The following PELI2 variants were observed in gnomAD, a reference collection of about 807,000 sequenced individuals.
The protein encoded by PELI2 is pellino E3 ubiquitin protein ligase family member 2, also known as E3 ubiquitin-protein ligase pellino homolog 2.
Under a neutral mutation model 42.3 loss-of-function variants are expected in PELI2, and 23 were observed. That is an observed-to-expected ratio of 0.54 (90% CI 0.39 to 0.77). PELI2 has a LOEUF of 0.77. PELI2 is among the 30% of genes least tolerant of loss of function. The probability of loss-of-function intolerance (pLI) is 0.00; values close to 1 mark genes in which losing one functional copy is unlikely to be tolerated. For synonymous variants in PELI2, 245 were observed against 212.2 expected, an observed-to-expected ratio of 1.15 and a Z score of -1.34; for missense variants, 463 against 553.2, an observed-to-expected ratio of 0.84 and a Z score of 1.64.
intron 2 of PELI2, among the ~76,000 whole-genome samples, chr14:56,190,913 C>G (rs760913077): frequency 3.9e-5 from 6 of 152,160 alleles, no homozygotes; most frequent in Non-Finnish European, 7.4e-5. Flanking sequence ...TTATTTGTTG[C>G]ATAAGTAAAA....
intron 2 of PELI2, among the ~76,000 whole-genome samples, chr14:56,272,666 A>C (rs2139858713): frequency 6.6e-6 from 1 of 152,218 alleles, no homozygotes; most frequent in East Asian, 1.9e-4. Flanking sequence ...TGTAGTCTAT[A>C]ATCATTTTAA....
intron 5 of PELI2, 41 bp from the exon 6 acceptor site, chr14:56,296,559 G>T (rs1325297045): frequency 1.5e-6 from 2 of 1,338,406 alleles, no homozygotes. Context: ...TGATTTGCTT[G>T]ATTTTGCTTT....
At chr14:56,141,073 A>C (rs556181812) in intron 1 of PELI2, among the ~76,000 whole-genome samples, 1 of 152,216 alleles carries the variant, frequency 6.6e-6, no homozygotes. Flanking sequence ...CCCAAAGGCT[A>C]TGGCAAGGCT....
intron 2 of PELI2, among the ~76,000 whole-genome samples, chr14:56,234,784 G>A (rs1887728009): frequency 6.6e-6 from 1 of 152,034 alleles, no homozygotes; most frequent in Admixed American, 6.6e-5. Context: ...GCCTGGTGAG[G>A]CCTGTGAGTG....
At position 56,273,981 on chromosome 14, in the gene PELI2, CT is replaced by C. The variant is rs1889197502; in HGVS notation, c.208-5694del. The stretch of plus-strand genomic sequence containing the variant: ...CCTTCCTCTCACGTTGCAAGGTGGT[CT>C]ACTTCAGCTCCAAACATCATGTCAT... On this transcript the variant is annotated intron_variant, in intron 2 of 5. Coordinates refer to ENST00000267460, the MANE Select transcript of PELI2 (RefSeq NM_021255.3). This position sits in a 1 kb window ranked among gnomAD's most constrained non-coding sequence, Gnocchi z 4.3. Among the ~76,000 whole-genome samples, 1 of 152,194 alleles carries C rather than the reference CT, an allele frequency of 6.6e-6. No homozygotes were observed. Among genetic ancestry groups the C allele is most frequent in the African/African-American group, 2.4e-5 (1 of 41,446 alleles).
chr14:56,129,324 C>T (rs1457055720), intron 1 of PELI2, among the ~76,000 whole-genome samples: 1 of 152,232 alleles, frequency 6.6e-6, no homozygotes, highest in African/African-American at 2.4e-5. Flanking sequence ...AGAACAGTTG[C>T]TCACAATGGG....
At chr14:56,241,223 C>A (rs1435217043) in intron 2 of PELI2, among the ~76,000 whole-genome samples, 1 of 151,910 alleles carries the variant, frequency 6.6e-6, no homozygotes. Context: ...GTTAGGCCTG[C>A]AAGAAAGAAC....
At chr14:56,235,864 T>C (rs1406561478) in intron 2 of PELI2, among the ~76,000 whole-genome samples, 1 of 152,196 alleles carries the variant, frequency 6.6e-6, no homozygotes, top group Non-Finnish European at 1.5e-5. Flanking sequence ...TGCGTACATT[T>C]AGGTACAAAG....
rs991526202 is a variant in PELI2 at position 56,118,569 on chromosome 14, C to T, written c.-92C>T. The T allele has an allele frequency of 3.2e-5, 26 of 806,046 alleles. No individual in the cohort carries two copies. The African/African-American group carries it at 4.2e-4, about 13-fold the overall frequency. 49.9% of individuals were successfully genotyped at this position (806,046 alleles called of 1,614,324 possible). Reference sequence around the variant, plus strand: ...TTCCCCGGCGCGCTCACCCCGTTCTCGGGATGGGATTGTAGCGGCGGCGCG... The same window carrying T: ...TTCCCCGGCGCGCTCACCCCGTTCTTGGGATGGGATTGTAGCGGCGGCGCG... On this transcript the variant is annotated 5_prime_UTR_variant, in exon 1 of 6. Transcript: ENST00000267460.
chr14:56,161,393 A>G (rs1412713097), intron 1 of PELI2, among the ~76,000 whole-genome samples: 2 of 150,438 alleles, frequency 1.3e-5, no homozygotes, highest in African/African-American at 4.9e-5. Flanking sequence ...TGCAAACTCC[A>G]CCTCCCAAGT....
At chr14:56,199,484 A>G (rs144261165) in intron 2 of PELI2, among the ~76,000 whole-genome samples, 39 of 152,340 alleles carry the variant, frequency 2.6e-4, no homozygotes, top group African/African-American at 9.1e-4. Context: ...ACTCTTCTTT[A>G]TATCAGGAAT....
At chr14:56,122,995 G>A (rs528824992) in intron 1 of PELI2, among the ~76,000 whole-genome samples, 2 of 152,090 alleles carry the variant, frequency 1.3e-5, no homozygotes, top group African/African-American at 2.4e-5. Flanking sequence ...CAAAAAGAGG[G>A]TAAGAACCTC....
chr14:56,226,368 A>C (rs1342452691), intron 2 of PELI2, among the ~76,000 whole-genome samples: 1 of 152,128 alleles, frequency 6.6e-6, no homozygotes, highest in Non-Finnish European at 1.5e-5. Context: ...TGCTTCTTGG[A>C]TGTATTCCTT....
chr14:56,241,504 G>A (rs1433882619), intron 2 of PELI2, among the ~76,000 whole-genome samples: 1 of 152,226 alleles, frequency 6.6e-6, no homozygotes, highest in South Asian at 2.1e-4. Context: ...CTGTATTGCC[G>A]AGGGCCTACC....
chr14:56,122,438 C>A (rs1019602494), intron 1 of PELI2, among the ~76,000 whole-genome samples: 5 of 152,156 alleles, frequency 3.3e-5, no homozygotes, highest in Admixed American at 3.3e-4. Context: ...AAGACAGATT[C>A]CAGCAGCGCT....
chr14:56,158,805 A>G (rs892553714), intron 1 of PELI2, among the ~76,000 whole-genome samples: 2 of 152,218 alleles, frequency 1.3e-5, no homozygotes, highest in African/African-American at 4.8e-5. Context: ...GTGCACACAC[A>G]TTATTTGGCT....
intron 2 of PELI2, among the ~76,000 whole-genome samples, chr14:56,272,908 G>A (rs1015657839): frequency 2.6e-5 from 4 of 152,184 alleles, no homozygotes; most frequent in Non-Finnish European, 5.9e-5. Context: ...GATAACCGTA[G>A]TGTCTTGGGT....
chr14:56,185,539 T>C (rs956879885), intron 2 of PELI2, among the ~76,000 whole-genome samples: 3 of 152,238 alleles, frequency 2.0e-5, no homozygotes, highest in African/African-American at 7.2e-5. Flanking sequence ...CATTTCATTA[T>C]ACAGATTTGT....
intron 2 of PELI2, among the ~76,000 whole-genome samples, chr14:56,190,206 A>G (rs74692773): frequency 0.021 from 3,181 of 152,284 alleles, 100 homozygotes; most frequent in African/African-American, 0.072. Context: ...TCCCAGCATT[A>G]AATTATTTTA....
Sources: gnomAD v4.1 joint callset for allele counts (sites outside exome capture counted in the v4.1 genomes callset) on GRCh38, gnomAD v4.1.1 for gene constraint, Gnocchi (gnomAD v3.1) non-coding constraint, MANE v1.5 for transcripts, NCBI Gene and HGNC (gene_info 2026-07-23, HGNC 2026-07-21) for gene names.